MYO1D: variants seen among roughly 807,000 people sequenced by gnomAD.
MYO1D encodes the protein myosin ID.
In MYO1D, 83 loss-of-function variants were observed where a neutral mutation model predicts 122.0. The ratio of observed to expected loss-of-function variants is 0.68; its 90% CI spans 0.57 to 0.82. The LOEUF is 0.82. Among genes scored for constraint, MYO1D ranks in the 40% least tolerant of loss-of-function variants. MYO1D has a pLI of 0.00. For synonymous variants in MYO1D, 464 were observed against 446.9 expected, an observed-to-expected ratio of 1.04 and a Z score of -0.48; for missense variants, 1,157 against 1,269.5, an observed-to-expected ratio of 0.91 and a Z score of 1.35.
chr17:32,869,329 A>C (rs997017855), intron 1 of MYO1D, among the ~76,000 whole-genome samples: 1 of 152,250 alleles, frequency 6.6e-6, no homozygotes, highest in Admixed American at 6.5e-5. Flanking sequence ...ATAAATGATA[A>C]AGGAGAGACA....
chr17:32,555,371 T>C lies in MYO1D; in HGVS notation c.2864+49716A>G, dbSNP rs9912963. On this transcript the variant is annotated intron_variant, in intron 21 of 21. Transcript: ENST00000318217. ...AGATAGAATGTACAGAAGAATCTCA[T>C]ATTTGTAAAACTATACACAGATCTA... Among the ~76,000 whole-genome samples, 448 of 152,250 alleles carry C rather than the reference T, an allele frequency of 2.9e-3. 4 individuals carry two copies. The highest frequency in any genetic ancestry group is 0.01 in the African/African-American group (423 of 41,552).
chr17:32,798,491 G>A (rs2090436303), intron 1 of MYO1D, among the ~76,000 whole-genome samples: 1 of 152,098 alleles, frequency 6.6e-6, no homozygotes, highest in Non-Finnish European at 1.5e-5. Flanking sequence ...CACAGTTAAG[G>A]AGGCTCAATC....
At chr17:32,653,516 G>C (rs1440203163) in intron 19 of MYO1D, among the ~76,000 whole-genome samples, 1 of 147,406 alleles carries the variant, frequency 6.8e-6, no homozygotes, top group Non-Finnish European at 1.5e-5. Context: ...TGAGACAGGA[G>C]AATCACTTGA....
chr17:32,821,224 G>C (rs970309925), intron 1 of MYO1D, among the ~76,000 whole-genome samples: 3 of 152,102 alleles, frequency 2.0e-5, no homozygotes, highest in African/African-American at 7.2e-5. Flanking sequence ...TTTATGACTG[G>C]ATGCAAGTAT....
At chr17:32,539,817 T>C (rs770220780) in intron 21 of MYO1D, among the ~76,000 whole-genome samples, 4 of 152,244 alleles carry the variant, frequency 2.6e-5, no homozygotes, top group Non-Finnish European at 5.9e-5. Flanking sequence ...GGAATCATCA[T>C]TAGCCTGCCA....
chr17:32,550,155 A>G (rs925423825), intron 21 of MYO1D, among the ~76,000 whole-genome samples: 1 of 150,174 alleles, frequency 6.7e-6, no homozygotes, highest in African/African-American at 2.5e-5. Flanking sequence ...GCTGGAGGGC[A>G]GCGGTGTAAT....
intron 16 of MYO1D, among the ~76,000 whole-genome samples, chr17:32,688,131 C>T (rs142404463): frequency 6.6e-5 from 10 of 152,296 alleles, no homozygotes; most frequent in East Asian, 1.9e-4. Context: ...CATTCATATG[C>T]GCAACACCTT....
At chr17:32,641,155 C>A (rs1438893970) in intron 19 of MYO1D, among the ~76,000 whole-genome samples, 12 of 146,066 alleles carry the variant, frequency 8.2e-5, no homozygotes, top group African/African-American at 2.3e-4. Context: ...CTCATTGTTC[C>A]ATTCCCACCT....
chr17:32,748,828 GA>G, intron 12 of MYO1D, 107 bp downstream of exon 12: 2 of 1,025,392 alleles, frequency 2.0e-6, no homozygotes, highest in Non-Finnish European at 3.0e-6. Context: ...CATATCAAAT[GA>G]CCAAAACATG....
chr17:32,671,932 A>G lies in MYO1D; in HGVS notation c.2122-12594T>C, dbSNP rs190716800. ...CACAGATTTGTTCCATTAATTTCAG[A>G]TTTTTAAAAATATTGCATGAACATA... On this transcript the variant is annotated intron_variant, in intron 16 of 21. Coordinates refer to ENST00000318217, the MANE Select transcript of MYO1D (RefSeq NM_015194.3). Among the ~76,000 whole-genome samples the G allele has an allele frequency of 2.3e-3, 351 of 152,324 alleles. 3 individuals carry two copies. The highest frequency in any genetic ancestry group is 8.2e-3 in the African/African-American group (341 of 41,572).
chr17:32,774,994 A>G lies in MYO1D; in HGVS notation c.564+870T>C, dbSNP rs569146816. On this transcript the variant is annotated intron_variant, in intron 4 of 21. Coordinates refer to ENST00000318217, the MANE Select transcript of MYO1D (RefSeq NM_015194.3). ...TTCTCTTGCAGTCATGTCCACTGAT[A>G]ATCAAGATTAGTTAAGACACAACCA... Among the ~76,000 whole-genome samples, 4 of 152,316 alleles carry G rather than the reference A, an allele frequency of 2.6e-5. No homozygotes were observed. In the South Asian group the frequency reaches 8.3e-4, roughly 32 times the overall value.
At chr17:32,595,489 A>G (rs1190427055) in intron 21 of MYO1D, among the ~76,000 whole-genome samples, 3 of 152,198 alleles carry the variant, frequency 2.0e-5, no homozygotes, top group Non-Finnish European at 4.4e-5. Flanking sequence ...AAAAAGGAAA[A>G]GAGGTATTCA....
At chr17:32,658,081 G>T (rs1167418341) in intron 17 of MYO1D, among the ~76,000 whole-genome samples, 1 of 151,830 alleles carries the variant, frequency 6.6e-6, no homozygotes, top group Admixed American at 6.6e-5. Context: ...AGAACTGAAG[G>T]TTGAGGTACT....
intron 21 of MYO1D, among the ~76,000 whole-genome samples, chr17:32,513,384 C>A (rs1909761994): frequency 6.6e-6 from 1 of 152,134 alleles, no homozygotes; most frequent in Non-Finnish European, 1.5e-5. Flanking sequence ...AAGAGGGAGA[C>A]TCTACCATGT....
intron 21 of MYO1D, among the ~76,000 whole-genome samples, chr17:32,547,292 C>T (rs938810631): frequency 6.6e-6 from 1 of 152,098 alleles, no homozygotes; most frequent in African/African-American, 2.4e-5. Context: ...TCAAAGATAA[C>T]CAGCACCTAA....
At chr17:32,597,755 C>G (rs971692938) in intron 21 of MYO1D, among the ~76,000 whole-genome samples, 4 of 151,072 alleles carry the variant, frequency 2.6e-5, no homozygotes, top group Middle Eastern at 3.4e-3. Context: ...GTAATCCCAG[C>G]TACTCGGGAG....
intron 1 of MYO1D, among the ~76,000 whole-genome samples, chr17:32,801,071 A>G (rs2090456898): frequency 6.6e-6 from 1 of 152,200 alleles, no homozygotes; most frequent in African/African-American, 2.4e-5. Flanking sequence ...CTCTAGTTCA[A>G]TCTTGCTCAT....
chr17:32,605,994 G>C (rs1012188808), intron 20 of MYO1D, among the ~76,000 whole-genome samples: 1 of 152,006 alleles, frequency 6.6e-6, no homozygotes, highest in African/African-American at 2.4e-5. Context: ...CAGCTACTTG[G>C]GGGGCTGAGG....
chr17:32,852,736 A>G (rs1022586195), intron 1 of MYO1D, among the ~76,000 whole-genome samples: 1 of 152,106 alleles, frequency 6.6e-6, no homozygotes, highest in Admixed American at 6.6e-5. Context: ...ATATTTCTAT[A>G]TTTTTCAATT....
Sources: allele counts gnomAD v4.1 joint callset (sites outside exome capture counted in the v4.1 genomes callset), GRCh38; gene constraint gnomAD v4.1.1; transcripts MANE v1.5; gene names NCBI Gene and HGNC (gene_info 2026-07-23, HGNC 2026-07-21).